The following SNW1 variants were observed in gnomAD, a reference collection of about 807,000 sequenced individuals.
SNW1 encodes SNW domain-containing protein 1.
Under a neutral mutation model 75.6 loss-of-function variants are expected in SNW1, and 9 were observed. The ratio of observed to expected loss-of-function variants is 0.12; its 90% CI spans 0.07 to 0.21. The LOEUF (loss-of-function observed/expected upper bound fraction) is 0.21. Ranked by LOEUF, SNW1 falls within the 10% of genes least tolerant of loss-of-function variation. The pLI is 1.00. For missense variants in SNW1, 409 were observed against 670.9 expected (o/e 0.61, Z 4.31); for synonymous variants, 200 against 219.1 (o/e 0.91, Z 0.77).
chr14:77,747,041 C>G (rs550285145), intron 3 of SNW1, among the ~76,000 whole-genome samples: 2 of 152,052 alleles, frequency 1.3e-5, no homozygotes, highest in Non-Finnish European at 2.9e-5. Context: ...CTCAGCCTGC[C>G]GAGTGCCTGG....
intron 10 of SNW1, among the ~76,000 whole-genome samples, chr14:77,726,664 A>G (rs904554838): frequency 6.6e-6 from 1 of 152,112 alleles, no homozygotes; most frequent in African/African-American, 2.4e-5. Flanking sequence ...AATAAAAAAA[A>G]TTAGCCAGGC....
chr14:77,726,602 C>G (rs55816693), intron 10 of SNW1, among the ~76,000 whole-genome samples: 1 of 152,110 alleles, frequency 6.6e-6, no homozygotes, highest in Admixed American at 6.6e-5. Flanking sequence ...GGCAGATCAC[C>G]TGAGGTCTGA....
chr14:77,724,340 A>G (rs946881231), intron 10 of SNW1, among the ~76,000 whole-genome samples: 2 of 152,246 alleles, frequency 1.3e-5, no homozygotes, highest in Admixed American at 6.5e-5. Flanking sequence ...TAAATCTTCT[A>G]GCTATTTTGC....
chr14:77,724,490 C>A (rs968735233), intron 10 of SNW1, among the ~76,000 whole-genome samples: 2 of 152,178 alleles, frequency 1.3e-5, no homozygotes, highest in Admixed American at 1.3e-4. Flanking sequence ...TACCATCAAC[C>A]AATCTCTCTT....
In SNW1 at chr14:77,738,832, G is replaced by C. The variant is rs1259123215; in HGVS notation, c.479C>G (p.Ala160Gly). The C allele has an allele frequency of 1.9e-6, 3 of 1,614,048 alleles. No homozygotes were observed. The highest frequency in any genetic ancestry group is 2.5e-6 in the Non-Finnish European group (3 of 1,180,034). ...ALEKSVSQKV[A>G]AAMPVRAADK... is the part of the protein sequence containing the mutation. ...AGCTGCTCGAACTGGCATGGCTGCG[G>C]CGACCTTCTGTGATACAGATTTTTC... Residue 160 changes from alanine (A) to glycine (G), a missense_variant, in exon 5 of 14, where the codon GCC becomes GGC. Ala to Gly is a moderately conservative substitution (Grantham distance 60). This residue lies in a region of SNW1 where 70 missense variants were observed against 136.7 expected (regional missense o/e 0.51). Transcript: ENST00000261531.
intron 1 of SNW1, chr14:77,760,873 G>A: frequency 1.2e-6 from 1 of 842,672 alleles, no homozygotes; most frequent in Non-Finnish European, 1.9e-6. Context: ...CAGTGTCTGA[G>A]ACCACTCCGC....
In SNW1 at chr14:77,755,059, A is replaced by T; in HGVS notation, c.76T>A (p.Ser26Thr). The change falls in exon 2 of 14, where the codon TCC becomes ACC. Residue 26 changes from serine (S) to threonine (T), a missense_variant. Ser to Thr is a moderately conservative substitution (Grantham distance 58). Transcript: ENST00000261531. ...DQLEAEEKAR[S>T]QRSRQTSLVS... ...AGTGAGGTCTGCCGTGATCTCTGGG[A>T]TCTTGCCTTTTCTTCAGCCTCAAGC... 1 of 1,612,980 alleles carries T rather than the reference A, an allele frequency of 6.2e-7. No homozygotes were observed. Among genetic ancestry groups the T allele is most frequent in the East Asian group, 2.2e-5 (1 of 44,874 alleles).
At chr14:77,731,223 A>G in intron 9 of SNW1, 94 bp from the exon 10 acceptor site, 1 of 1,309,048 alleles carries the variant, frequency 7.6e-7, no homozygotes, top group Non-Finnish European at 1.1e-6. Context: ...GGTAAGAGCA[A>G]TTATACAGAA....
chr14:77,723,912 CAAGAG>C (rs1204744707), intron 10 of SNW1, among the ~76,000 whole-genome samples: 1 of 152,176 alleles, frequency 6.6e-6, no homozygotes, highest in Non-Finnish European at 1.5e-5. Flanking sequence ...ATATTCTGAA[CAAGAG>C]AATATTTTTT....
intron 1 of SNW1, among the ~76,000 whole-genome samples, chr14:77,760,111 A>AC (rs1247269948): frequency 1.3e-5 from 2 of 152,104 alleles, no homozygotes; most frequent in Non-Finnish European, 2.9e-5. Context: ...ATGTCTGTAT[A>AC]CCTTGCACCC....
At position 77,761,153 on chromosome 14, in the gene SNW1, C is replaced by T; in HGVS notation, c.-26G>A. On this transcript the variant is annotated 5_prime_UTR_variant, in exon 1 of 14. Transcript: ENST00000261531. Reference sequence around the variant, plus strand: ...CTTCTTCCGCTTCTTCCAGCGCGAGCGACAGCACCGCTGGGCGGGTCTTTC... The same window carrying T: ...CTTCTTCCGCTTCTTCCAGCGCGAGTGACAGCACCGCTGGGCGGGTCTTTC... 1 of 1,614,216 alleles carries T rather than the reference C, an allele frequency of 6.2e-7. No individual in the cohort carries two copies. The highest frequency in any genetic ancestry group is 8.5e-7 in the Non-Finnish European group (1 of 1,180,022).
intron 10 of SNW1, among the ~76,000 whole-genome samples, chr14:77,724,208 T>C (rs182840653): frequency 7.2e-5 from 11 of 152,346 alleles, no homozygotes; most frequent in African/African-American, 2.6e-4. Flanking sequence ...ATTTTTGATA[T>C]ATAATCATTA....
chr14:77,746,719 T>C (rs929656733), intron 3 of SNW1, among the ~76,000 whole-genome samples: 9 of 151,960 alleles, frequency 5.9e-5, no homozygotes, highest in Non-Finnish European at 8.8e-5. Context: ...AGTAGACTTA[T>C]ATGTACTAAC....
intron 3 of SNW1, among the ~76,000 whole-genome samples, chr14:77,750,629 G>A (rs11159288): frequency 0.83 from 126,001 of 151,978 alleles, 52,334 homozygotes; most frequent in Middle Eastern, 0.86. Context: ...TCAGTTCTAA[G>A]GAAATCTTTC....
At chr14:77,731,685 A>G (rs1222194604) in intron 9 of SNW1, among the ~76,000 whole-genome samples, 1 of 152,242 alleles carries the variant, frequency 6.6e-6, no homozygotes, top group Non-Finnish European at 1.5e-5. Flanking sequence ...TTCCAAACAC[A>G]TGCTATGATG....
At chr14:77,742,681 T>C (rs1453255554) in intron 3 of SNW1, among the ~76,000 whole-genome samples, 1 of 151,978 alleles carries the variant, frequency 6.6e-6, no homozygotes, top group African/African-American at 2.4e-5. Context: ...TGTTACGGTT[T>C]TTTAGGGGTA....
rs554101304 is a variant in SNW1, at chr14:77,734,811, C to G, written c.774+136G>C. ...ATTTCTATTACATTAAAAAAGTCAC[C>G]AAATTGGGCATTCCTTTTTGAAAAT... On this transcript the variant is annotated intron_variant, in intron 8 of 13. Coordinates refer to ENST00000261531, the MANE Select transcript of SNW1 (RefSeq NM_012245.3). The G allele has an allele frequency of 6.2e-4, 408 of 655,678 alleles. 1 individual carries two copies. The highest frequency in any genetic ancestry group is 2.1e-3 in the Admixed American group (79 of 38,480). The allele number at this position is 655,678 out of a possible 1,614,324, so 40.6% of individuals were successfully genotyped here. A position where few individuals can be genotyped will look rare whatever the true frequency, so the allele number is the denominator to read the frequency against.
intron 1 of SNW1, 139 bp from the exon 2 acceptor site, chr14:77,755,259 G>T: frequency 1.4e-6 from 1 of 720,098 alleles, no homozygotes; most frequent in Non-Finnish European, 2.3e-6. Context: ...AATGATTTAT[G>T]GTAGTACTCA....
intron 9 of SNW1, among the ~76,000 whole-genome samples, chr14:77,731,361 A>G (rs1000323371): frequency 3.3e-5 from 5 of 152,232 alleles, no homozygotes; most frequent in Non-Finnish European, 7.3e-5. Flanking sequence ...CGTGACCCCA[A>G]TTAATCTTGT....
Sources: gnomAD v4.1 joint callset for allele counts (sites outside exome capture counted in the v4.1 genomes callset) on GRCh38, gnomAD v4.1.1 for gene constraint, gnomAD v4.1.1 regional missense constraint, MANE v1.5 for transcripts, NCBI Gene and HGNC (gene_info 2026-07-23, HGNC 2026-07-21) for gene names.